The following ADORA2B variants were observed in gnomAD, a reference collection of about 807,000 sequenced individuals.
ADORA2B encodes the protein adenosine receptor A2b.
In ADORA2B, 18 loss-of-function variants were observed where a neutral mutation model predicts 20.8. That is an observed-to-expected ratio of 0.87 (90% CI 0.60 to 1.29). The LOEUF (loss-of-function observed/expected upper bound fraction) is 1.29. ADORA2B is among the 50% of genes most tolerant of loss of function. The pLI is 0.00. For synonymous variants in ADORA2B, 179 were observed against 178.3 expected (o/e 1.00, Z -0.03); for missense variants, 441 against 422.7 (o/e 1.04, Z -0.38).
the ADORA2B span, among the ~76,000 whole-genome samples, chr17:15,856,209 A>G: frequency 9.9e-5 from 15 of 151,390 alleles, no homozygotes; most frequent in African/African-American, 3.4e-4. Context: ...TCCTGGTTTT[A>G]TAAGTGTTTG....
chr17:15,888,846 ATATATTTTTT>A, the ADORA2B span, among the ~76,000 whole-genome samples: 1 of 16,222 alleles, frequency 6.2e-5, no homozygotes, highest in Non-Finnish European at 9.4e-5. Context: ...ATATATATAT[ATATATTTTTT>A]TTTTTTTTTT....
chr17:15,881,140 C>T, the ADORA2B span, among the ~76,000 whole-genome samples: 4 of 152,092 alleles, frequency 2.6e-5, no homozygotes, highest in South Asian at 4.2e-4. Flanking sequence ...CTTTCTCTGT[C>T]GCCCAGGCTG....
the ADORA2B span, among the ~76,000 whole-genome samples, chr17:15,913,406 T>A: frequency 6.6e-6 from 1 of 152,252 alleles, no homozygotes; most frequent in Non-Finnish European, 1.5e-5. Flanking sequence ...GCATCCAGCC[T>A]GGTTTCAGAG....
chr17:15,951,989 C>T (rs1488708315), intron 1 of ADORA2B, among the ~76,000 whole-genome samples: 1 of 152,222 alleles, frequency 6.6e-6, no homozygotes, highest in Non-Finnish European at 1.5e-5. Flanking sequence ...GCCTGGTGCC[C>T]TGGAGCAGCA....
At chr17:15,852,498 A>T in the ADORA2B span, among the ~76,000 whole-genome samples, 1 of 152,174 alleles carries the variant, frequency 6.6e-6, no homozygotes, top group African/African-American at 2.4e-5. Flanking sequence ...CAATTTAAAA[A>T]ATACTAAGTA....
the ADORA2B span, among the ~76,000 whole-genome samples, chr17:15,903,541 A>C: frequency 6.6e-6 from 1 of 152,118 alleles, no homozygotes; most frequent in African/African-American, 2.4e-5. Flanking sequence ...CCAAGCACCT[A>C]TGCTTCAAAA....
the ADORA2B span, among the ~76,000 whole-genome samples, chr17:15,930,737 G>A: frequency 6.6e-6 from 1 of 152,230 alleles, no homozygotes; most frequent in African/African-American, 2.4e-5. Context: ...AAGCTGAAAT[G>A]CTCACAAACA....
the ADORA2B span, among the ~76,000 whole-genome samples, chr17:15,919,197 G>A: frequency 6.6e-6 from 1 of 152,134 alleles, no homozygotes; most frequent in African/African-American, 2.4e-5. Context: ...GGCACCCACT[G>A]GAGGTGTCTT....
chr17:15,915,891 C>A, the ADORA2B span, among the ~76,000 whole-genome samples: 1 of 152,188 alleles, frequency 6.6e-6, no homozygotes, highest in Non-Finnish European at 1.5e-5. Flanking sequence ...ACCCCAGAAA[C>A]AATGTCCAAC....
At chr17:15,957,927 T>G (rs934368504) in intron 1 of ADORA2B, among the ~76,000 whole-genome samples, 1 of 152,202 alleles carries the variant, frequency 6.6e-6, no homozygotes, top group African/African-American at 2.4e-5. Context: ...TGAGTGTTTT[T>G]TTTTGTTTGT....
At chr17:15,899,645 C>A in the ADORA2B span, among the ~76,000 whole-genome samples, 1 of 152,068 alleles carries the variant, frequency 6.6e-6, no homozygotes, top group African/African-American at 2.4e-5. Flanking sequence ...CATCTTTATG[C>A]CCATGACTAC....
chr17:15,944,275 A>T (rs1044582955), upstream of ADORA2B, among the ~76,000 whole-genome samples: 1 of 152,058 alleles, frequency 6.6e-6, no homozygotes, highest in Non-Finnish European at 1.5e-5. The surrounding 1 kb of genome is among the most constrained non-coding windows in gnomAD (Gnocchi z 4.8). Flanking sequence ...TCCTGGCGAG[A>T]GTCGGCAGTG....
chr17:15,975,399 A>C lies in ADORA2B; in HGVS notation c.*57A>C. The C allele has an allele frequency of 6.5e-7, 1 of 1,542,680 alleles. No homozygotes were observed. Among genetic ancestry groups the C allele is most frequent in the Non-Finnish European group, 8.7e-7 (1 of 1,143,508 alleles). On this transcript the variant is annotated 3_prime_UTR_variant, in exon 2 of 2. Transcript: ENST00000304222. ...CAAATCCACAAGAAACAAAGAGGACACGGCTGGTTTTCATTGTGAAAGATA... is the reference window on the plus strand; with the variant it reads ...CAAATCCACAAGAAACAAAGAGGACCCGGCTGGTTTTCATTGTGAAAGATA...
chr17:15,905,371 CTTG>C, the ADORA2B span, among the ~76,000 whole-genome samples: 5 of 151,754 alleles, frequency 3.3e-5, no homozygotes, highest in South Asian at 6.2e-4. Flanking sequence ...TAACAGTTGA[CTTG>C]TTGTTGTTGT....
the ADORA2B span, among the ~76,000 whole-genome samples, chr17:15,855,416 G>A: frequency 1.3e-5 from 2 of 152,088 alleles, no homozygotes; most frequent in Non-Finnish European, 2.9e-5. Context: ...CCCATGAGAA[G>A]CCACCAAAAA....
chr17:15,943,586 G>A (rs755030980), upstream of ADORA2B, among the ~76,000 whole-genome samples: 9 of 152,172 alleles, frequency 5.9e-5, no homozygotes, highest in African/African-American at 2.2e-4. Flanking sequence ...TCCTGTCTTG[G>A]CCTCCCAAAG....
At chr17:15,962,623 C>G (rs567717542) in intron 1 of ADORA2B, among the ~76,000 whole-genome samples, 15 of 152,232 alleles carry the variant, frequency 9.9e-5, no homozygotes, top group African/African-American at 3.6e-4. Flanking sequence ...CCTCTGCCTC[C>G]TAGGTTCAAG....
At chr17:15,927,639 C>T in the ADORA2B span, among the ~76,000 whole-genome samples, 1 of 152,210 alleles carries the variant, frequency 6.6e-6, no homozygotes, top group Admixed American at 6.5e-5. Flanking sequence ...AAGAGCAAGA[C>T]TCCGTCTCAA....
At position 15,974,772 on chromosome 17, in the gene ADORA2B, G is replaced by A. The variant is rs1567785537; in HGVS notation, c.429G>A (p.Gly143=). 6.2e-7 allele frequency: 1 copy of A among 1,614,020 alleles called. No individual in the cohort carries two copies. Among genetic ancestry groups the A allele is most frequent in the Non-Finnish European group, 8.5e-7 (1 of 1,180,018 alleles). The part of the protein sequence containing the change: ...AFGIGLTPFL[G]WNSKDSATNN... ...GCATCGGATTGACTCCATTCCTGGG[G>A]TGGAACAGTAAAGACAGTGCCACCA... The change falls in exon 2 of 2, where the codon GGG becomes GGA. Residue 143 remains glycine (G), a synonymous_variant. Coordinates refer to ENST00000304222, the MANE Select transcript of ADORA2B (RefSeq NM_000676.4).
Sources: gnomAD v4.1 joint callset for allele counts (sites outside exome capture counted in the v4.1 genomes callset) on GRCh38, gnomAD v4.1.1 for gene constraint, Gnocchi (gnomAD v3.1) non-coding constraint, MANE v1.5 for transcripts, NCBI Gene and HGNC (gene_info 2026-07-23, HGNC 2026-07-21) for gene names.